Variants in CC2D2B observed in about 807,000 individuals in gnomAD.
CC2D2B encodes protein CC2D2B.
In CC2D2B, 128 loss-of-function variants were observed where a neutral mutation model predicts 161.2. That is an observed-to-expected ratio of 0.79 (90% CI 0.69 to 0.92). CC2D2B has a LOEUF of 0.92. Ranked by LOEUF, CC2D2B falls within the 40% of genes least tolerant of loss-of-function variation. The pLI is 0.00. For missense variants in CC2D2B, 1,173 were observed against 1,375.1 expected, an observed-to-expected ratio of 0.85 and a Z score of 2.32; for synonymous variants, 391 against 449.8, an observed-to-expected ratio of 0.87 and a Z score of 1.65.
At chr10:95,932,619 T>C (rs1416538910) in intron 6 of CC2D2B, among the ~76,000 whole-genome samples, 2 of 152,238 alleles carry the variant, frequency 1.3e-5, no homozygotes, top group Non-Finnish European at 2.9e-5. Context: ...TAAAGGATTT[T>C]ATTTCTCCTT....
chr10:96,019,132 A>T (rs1173702762), intron 30 of CC2D2B, 71 bp from the exon 31 acceptor site: 2 of 1,290,724 alleles, frequency 1.5e-6, no homozygotes, highest in African/African-American at 3.0e-5. Context: ...AATTAGAATC[A>T]TCACAGTATA....
Position 95,996,256 on chromosome 10 carries a change from A to G in CC2D2B, c.2849+4A>G, listed in dbSNP as rs192553921. 1.4e-5 allele frequency: 19 copies of G among 1,317,692 alleles called. No homozygotes were observed. The highest frequency in any genetic ancestry group is 4.7e-5 in the Admixed American group (2 of 42,832). 81.6% of individuals were successfully genotyped at this position (1,317,692 alleles called of 1,614,324 possible). On this transcript the variant is annotated splice_donor_region_variant and intron_variant, in intron 24 of 34. Transcript: ENST00000646931. ...AAGAAATTAAAGTAGATTTTGTGTA[A>G]GTTGGAGTTCATTTTTCCATAGCTC...
chr10:95,958,800 CA>C (rs1269511644), intron 11 of CC2D2B, among the ~76,000 whole-genome samples: 2 of 148,274 alleles, frequency 1.3e-5, no homozygotes, highest in Non-Finnish European at 1.5e-5. Context: ...GGAGGAGATT[CA>C]AAAGGAGAAG....
chr10:95,967,570 A>C (rs2076983254), intron 14 of CC2D2B, among the ~76,000 whole-genome samples: 1 of 152,212 alleles, frequency 6.6e-6, no homozygotes, highest in South Asian at 2.1e-4. Context: ...AAAAATTAAA[A>C]AGAGTTTACA....
chr10:95,997,148 C>T (rs12255122), intron 24 of CC2D2B, among the ~76,000 whole-genome samples: 15,551 of 152,232 alleles, frequency 0.1, 1,592 homozygotes, highest in East Asian at 0.57. Context: ...TATGGCAGCA[C>T]AAAATGAACT....
At chr10:95,947,068 A>C (rs920398989) in intron 9 of CC2D2B, among the ~76,000 whole-genome samples, 4 of 118,790 alleles carry the variant, frequency 3.4e-5, no homozygotes, top group Non-Finnish European at 7.4e-5. Flanking sequence ...TAAATTCCAA[A>C]TAGTGGACTC....
intron 9 of CC2D2B, among the ~76,000 whole-genome samples, chr10:95,946,202 C>T (rs1564607764): frequency 6.6e-6 from 1 of 152,226 alleles, no homozygotes; most frequent in South Asian, 2.1e-4. Context: ...GTGACACCTC[C>T]TCAAATGTTT....
At chr10:96,031,274 A>G (rs930082432) in intron 34 of CC2D2B, among the ~76,000 whole-genome samples, 1 of 152,224 alleles carries the variant, frequency 6.6e-6, no homozygotes, top group Non-Finnish European at 1.5e-5. Flanking sequence ...CTACATGGGA[A>G]GAGCGTGTGA....
At chr10:96,003,755 C>T (rs763124883) in intron 24 of CC2D2B, among the ~76,000 whole-genome samples, 3 of 151,986 alleles carry the variant, frequency 2.0e-5, no homozygotes, top group South Asian at 2.1e-4. Context: ...CATGCCGGGC[C>T]GTAAATTCTG....
intron 34 of CC2D2B, 64 bp downstream of exon 34, chr10:96,027,453 TAGC>T: frequency 8.4e-7 from 1 of 1,184,872 alleles, no homozygotes; most frequent in Non-Finnish European, 1.2e-6. Flanking sequence ...TGCTAAATAA[TAGC>T]AGTCTTAAAT....
At chr10:95,970,129 G>C (rs1030741203) in intron 15 of CC2D2B, among the ~76,000 whole-genome samples, 1 of 151,656 alleles carries the variant, frequency 6.6e-6, no homozygotes, top group African/African-American at 2.4e-5. Flanking sequence ...CCACTTCCTG[G>C]GTTCAACCAA....
rs1341850471 is a variant in CC2D2B, at chr10:96,024,862, A to G, written c.3898A>G (p.Ile1300Val). The G allele has an allele frequency of 6.6e-7, 1 of 1,515,052 alleles. No homozygotes were observed. The highest frequency in any genetic ancestry group is 9.0e-7 in the Non-Finnish European group (1 of 1,115,656). 93.9% of individuals were successfully genotyped at this position (1,515,052 alleles called of 1,614,324 possible). Residue 1300 changes from isoleucine to valine, a missense_variant, in exon 33 of 35, where the codon ATA becomes GTA. Physicochemically the swap from Ile to Val is conservative, Grantham distance 29. Around this residue, in one of 3 missense-constraint regions of CC2D2B, gnomAD observed 598 missense variants for 693.2 expected, o/e 0.86. Coordinates refer to ENST00000646931, the MANE Select transcript of CC2D2B (RefSeq NM_001349008.3). Reference protein sequence around the residue: ...TKIQSIQPEEIIYFETDKSMV... With the variant: ...TKIQSIQPEEVIYFETDKSMV... ...TGGTTGTCTATTTCAGCCTGAAGAA[A>G]TAATTTATTTTGAAACTGATAAAAG...
At position 96,019,289 on chromosome 10, in the gene CC2D2B, C is replaced by T. The variant is rs1392924408; in HGVS notation, c.3717C>T (p.Asp1239=). 1 of 1,611,940 alleles carries T rather than the reference C, an allele frequency of 6.2e-7. No individual in the cohort carries two copies. Among genetic ancestry groups the T allele is most frequent in the East Asian group, 2.2e-5 (1 of 44,844 alleles). The change falls in exon 31 of 35, where the codon GAC becomes GAT. Residue 1239 remains aspartate (D), a synonymous_variant. Transcript: ENST00000646931. ...CTGGCCAATGTTATAAGCAGTTTGA[C>T]CCGTTTTGTCCCTTAAAAAGTGTAG... ...PSTGQCYKQF[D]PFCPLKSVDC...
rs770469744 is a variant in CC2D2B at position 95,937,976 on chromosome 10, T to C, written c.337-15T>C. 2.8e-6 allele frequency: 4 copies of C among 1,450,642 alleles called. No individual in the cohort carries two copies. In the African/African-American group the frequency reaches 5.7e-5, roughly 21 times the overall value. The allele number at this position is 1,450,642 out of a possible 1,614,324, so 89.9% of individuals were successfully genotyped here. A position where few individuals can be genotyped will look rare whatever the true frequency, so the allele number is the denominator to read the frequency against. ...ACAAGCATGTAAACTTATTTTCCTT[T>C]TTGGTATTCAACAGAGACCAGTAAA... is the stretch of plus-strand genomic sequence containing the variant. On this transcript the variant is annotated splice_polypyrimidine_tract_variant and intron_variant, in intron 6 of 34. Transcript: ENST00000646931.
In CC2D2B at chr10:96,033,127, G is replaced by A. The variant is rs2080113829; in HGVS notation, c.*1119G>A. On this transcript the variant is annotated 3_prime_UTR_variant, in exon 35 of 35. Coordinates refer to ENST00000646931, the MANE Select transcript of CC2D2B (RefSeq NM_001349008.3). ...AGTTTTGTATGAGGTAAAGATAAAA[G>A]AACATTCACCTCTCCCATTGAAGAA... Among the ~76,000 whole-genome samples, 1 of 152,140 alleles carries A rather than the reference G, an allele frequency of 6.6e-6. No individual in the cohort carries two copies. Among genetic ancestry groups the A allele is most frequent in the Non-Finnish European group, 1.5e-5 (1 of 68,008 alleles).
intron 9 of CC2D2B, among the ~76,000 whole-genome samples, chr10:95,939,629 T>A (rs572611703): frequency 6.6e-6 from 1 of 152,208 alleles, no homozygotes; most frequent in Non-Finnish European, 1.5e-5. Context: ...TTCAGCTGCT[T>A]TATATTCCTG....
chr10:95,920,952 G>GGAGCTGT (rs1336626126), intron 2 of CC2D2B: 2 of 152,290 alleles, frequency 1.3e-5, no homozygotes, highest in African/African-American at 4.8e-5. Context: ...CTCTTTTCCT[G>GGAGCTGT]GAGCTGTGAG....
chr10:96,000,349 A>AAATC, intron 24 of CC2D2B: 1 of 337,550 alleles, frequency 3.0e-6, no homozygotes, highest in East Asian at 1.6e-4. Flanking sequence ...ATAAATAAAT[A>AAATC]AATAAATAAA....
intron 22 of CC2D2B, among the ~76,000 whole-genome samples, chr10:95,995,004 T>C (rs2078175654): frequency 6.6e-6 from 1 of 152,176 alleles, no homozygotes; most frequent in African/African-American, 2.4e-5. Flanking sequence ...TGCCTTTTCT[T>C]CCCCTTTTTC....
Sources: gnomAD v4.1 joint callset for allele counts (sites outside exome capture counted in the v4.1 genomes callset) on GRCh38, gnomAD v4.1.1 for gene constraint, gnomAD v4.1.1 regional missense constraint, MANE v1.5 for transcripts, NCBI Gene and HGNC (gene_info 2026-07-23, HGNC 2026-07-21) for gene names.